AKAP6: variants seen among roughly 807,000 people sequenced by gnomAD.
AKAP6 encodes the protein A-kinase anchor protein 6.
Under a neutral mutation model 188.5 loss-of-function variants are expected in AKAP6, and 58 were observed. The observed-to-expected ratio is 0.31, with a 90% CI of 0.25 to 0.38. The LOEUF (loss-of-function observed/expected upper bound fraction) is 0.38. AKAP6 is among the 10% of genes least tolerant of loss of function. AKAP6 has a pLI of 1.00. For missense variants in AKAP6, 2,710 were observed against 2,740.0 expected (o/e 0.99, Z 0.24); for synonymous variants, 989 against 998.6 (o/e 0.99, Z 0.18).
intron 1 of AKAP6, among the ~76,000 whole-genome samples, chr14:32,364,523 C>T (rs1887765316): frequency 6.6e-6 from 1 of 152,082 alleles, no homozygotes; most frequent in Admixed American, 6.6e-5. Flanking sequence ...AGTAATTTAT[C>T]CCTTTGTCTA....
intron 7 of AKAP6, among the ~76,000 whole-genome samples, chr14:32,618,762 A>G (rs555153245): frequency 6.6e-6 from 1 of 152,300 alleles, no homozygotes; most frequent in East Asian, 1.9e-4. Context: ...GTTCTCTGAG[A>G]AATCTCCATG....
At chr14:32,781,599 C>G (rs566868839) in intron 12 of AKAP6, among the ~76,000 whole-genome samples, 1 of 151,972 alleles carries the variant, frequency 6.6e-6, no homozygotes, top group East Asian at 1.9e-4. Context: ...GTCAAAAAGG[C>G]AATACAAGAA....
intron 7 of AKAP6, among the ~76,000 whole-genome samples, chr14:32,610,630 G>C (rs981438422): frequency 6.6e-6 from 1 of 152,184 alleles, no homozygotes; most frequent in Non-Finnish European, 1.5e-5. Context: ...TGGGCCCTGG[G>C]AAGGCCTAAG....
intron 1 of AKAP6, among the ~76,000 whole-genome samples, chr14:32,411,603 C>T (rs976745021): frequency 2.0e-5 from 3 of 152,116 alleles, no homozygotes; most frequent in Non-Finnish European, 4.4e-5. Context: ...CCCACTTTCA[C>T]CCTTCTTCCA....
intron 2 of AKAP6, among the ~76,000 whole-genome samples, chr14:32,451,412 T>C (rs1355520575): frequency 6.6e-6 from 1 of 152,260 alleles, no homozygotes; most frequent in African/African-American, 2.4e-5. Flanking sequence ...ACAAAAGATA[T>C]AGCTTTATTT....
rs747799765 is a variant in AKAP6 at position 32,656,328 on chromosome 14, A to G, written c.2731-21983A>G. Among the ~76,000 whole-genome samples the G allele has an allele frequency of 7.9e-5, 12 of 152,298 alleles. No individual in the cohort carries two copies. The South Asian group carries it at 8.3e-4, about 11-fold the overall frequency. On this transcript the variant is annotated intron_variant, in intron 7 of 13. Coordinates refer to ENST00000280979, the MANE Select transcript of AKAP6 (RefSeq NM_004274.5). ...CCAACAAAACCTATTTTCTTCTCCC[A>G]CAGTGATCTACAAAGAAGTTATGAG...
At chr14:32,432,588 T>G (rs1890258600) in intron 1 of AKAP6, among the ~76,000 whole-genome samples, 1 of 152,166 alleles carries the variant, frequency 6.6e-6, no homozygotes, top group South Asian at 2.1e-4. Context: ...ATTTATACTT[T>G]CTAGGAAAGT....
chr14:32,793,518 T>G (rs955441614), intron 12 of AKAP6, among the ~76,000 whole-genome samples: 10 of 151,608 alleles, frequency 6.6e-5, no homozygotes, highest in Non-Finnish European at 1.3e-4. Flanking sequence ...GCACACAAAC[T>G]CATACAGAAA....
At chr14:32,814,858 A>T (rs1405583740) in intron 12 of AKAP6, among the ~76,000 whole-genome samples, 1 of 152,168 alleles carries the variant, frequency 6.6e-6, no homozygotes, top group Non-Finnish European at 1.5e-5. Context: ...CCTTACGAGT[A>T]GCTGGGACTA....
intron 1 of AKAP6, among the ~76,000 whole-genome samples, chr14:32,415,735 C>G (rs1889636320): frequency 6.6e-6 from 1 of 152,122 alleles, no homozygotes; most frequent in African/African-American, 2.4e-5. Flanking sequence ...TACTGTCTGT[C>G]TCTATGATTT....
At chr14:32,811,478 A>G (rs925991982) in intron 12 of AKAP6, among the ~76,000 whole-genome samples, 1 of 152,156 alleles carries the variant, frequency 6.6e-6, no homozygotes, top group African/African-American at 2.4e-5. Context: ...ATGAAGACAC[A>G]AGAGGCTCTC....
At chr14:32,560,569 T>C (rs1594744383) in intron 4 of AKAP6, among the ~76,000 whole-genome samples, 5 of 152,230 alleles carry the variant, frequency 3.3e-5, no homozygotes, top group Non-Finnish European at 7.3e-5. Context: ...AATAGTTCTT[T>C]GTAATTTTCT....
At position 32,831,782 on chromosome 14, in the gene AKAP6, C is replaced by CCT. The variant is rs2034822875; in HGVS notation, c.*1977_*1978insCT. On this transcript the variant is annotated 3_prime_UTR_variant, in exon 14 of 14. Transcript: ENST00000280979. ...GAGAGTGGAAAGTTAGTGGAATATT[C>CCT]ATGAAACTTCATTGCAGGGGTAATA... The CCT allele has an allele frequency of 6.6e-6, 1 of 152,172 alleles. No individual in the cohort carries two copies. The allele number at this position is 152,172 out of a possible 1,614,324, so 9.4% of individuals were successfully genotyped here.
chr14:32,732,625 G>A lies in AKAP6; in HGVS notation c.3147+25G>A, dbSNP rs769386908. 2.5e-6 allele frequency: 4 copies of A among 1,611,248 alleles called. No homozygotes were observed. The South Asian group carries it at 4.4e-5, about 18-fold the overall frequency. ...GGTATTTGCATTTTTATTACTGTTT[G>A]TAGGTTATGTGTACATTTTTTGCGT... On this transcript the variant is annotated intron_variant, in intron 10 of 13. Transcript: ENST00000280979.
chr14:32,417,360 G>A (rs1303848109), intron 1 of AKAP6, among the ~76,000 whole-genome samples: 2 of 152,154 alleles, frequency 1.3e-5, no homozygotes, highest in African/African-American at 2.4e-5. Context: ...CCTATGAAAC[G>A]ATAGGCAGAT....
chr14:32,448,929 C>G (rs1890843624), intron 2 of AKAP6, among the ~76,000 whole-genome samples: 1 of 152,152 alleles, frequency 6.6e-6, no homozygotes, highest in South Asian at 2.1e-4. Context: ...ATACTTGATT[C>G]TACAATCTTG....
intron 8 of AKAP6, among the ~76,000 whole-genome samples, chr14:32,690,701 C>T (rs979774401): frequency 6.6e-6 from 1 of 152,122 alleles, no homozygotes; most frequent in Admixed American, 6.6e-5. Flanking sequence ...ATAGCCTTGT[C>T]TGTTTAGATG....
intron 7 of AKAP6, among the ~76,000 whole-genome samples, chr14:32,676,157 G>A (rs796734112): frequency 7.2e-5 from 11 of 152,238 alleles, no homozygotes; most frequent in African/African-American, 2.4e-4. Context: ...TATAATACTC[G>A]TTAAACTTTG....
At chr14:32,408,004 C>T (rs1449151981) in intron 1 of AKAP6, among the ~76,000 whole-genome samples, 2 of 152,168 alleles carry the variant, frequency 1.3e-5, no homozygotes, top group Non-Finnish European at 2.9e-5. Context: ...GATGATTAGG[C>T]TCTTTCTAGG....
Sources: allele counts gnomAD v4.1 joint callset (sites outside exome capture counted in the v4.1 genomes callset), GRCh38; gene constraint gnomAD v4.1.1; transcripts MANE v1.5; gene names NCBI Gene and HGNC (gene_info 2026-07-23, HGNC 2026-07-21).